Variants in DGKZ observed in about 807,000 individuals in gnomAD.
DGKZ encodes diacylglycerol kinase zeta.
A neutral mutation model predicts 142.5 loss-of-function variants in DGKZ; 45 were observed. The ratio of observed to expected loss-of-function variants is 0.32; its 90% CI spans 0.25 to 0.40. The LOEUF is 0.40. DGKZ is among the 10% of genes least tolerant of loss of function. The pLI, the probability that DGKZ is intolerant of heterozygous loss-of-function variation, is 1.00. For missense variants in DGKZ, 755 were observed against 1,306.5 expected, an observed-to-expected ratio of 0.58 and a Z score of 6.51; for synonymous variants, 442 against 527.0, an observed-to-expected ratio of 0.84 and a Z score of 2.21.
At chr11:46,371,276 G>C in intron 6 of DGKZ, 37 bp from the exon 7 acceptor site, 1 of 1,602,516 alleles carries the variant, frequency 6.2e-7, no homozygotes, top group Non-Finnish European at 8.5e-7. Flanking sequence ...GCTGCTCCAC[G>C]CCTGCCCTGG....
chr11:46,375,074 G>A, intron 19 of DGKZ, 29 bp downstream of exon 19: 1 of 1,549,378 alleles, frequency 6.5e-7, no homozygotes, highest in Non-Finnish European at 8.7e-7. Flanking sequence ...CATGGTGCCT[G>A]GGAGCACAGC....
chr11:46,373,155 C>A, intron 14 of DGKZ, 54 bp downstream of exon 14: 1 of 1,490,184 alleles, frequency 6.7e-7, no homozygotes, highest in South Asian at 1.3e-5. Context: ...GACTGGATCC[C>A]ACTTTTCCAC....
intron 16 of DGKZ, 39 bp from the exon 17 acceptor site, chr11:46,374,565 T>G (rs1272463554): frequency 6.2e-7 from 1 of 1,601,188 alleles, no homozygotes; most frequent in African/African-American, 1.3e-5. Context: ...TGAGGAAAGA[T>G]CTCTGTCAGC....
intron 23 of DGKZ, 51 bp from the exon 24 acceptor site, chr11:46,376,473 C>G (rs777641023): frequency 1.9e-6 from 3 of 1,613,898 alleles, no homozygotes; most frequent in Admixed American, 1.7e-5. Context: ...AGCAGAGGAC[C>G]TGGGCCTGGA....
exon 31 of DGKZ, chr11:46,380,073 T>C: frequency 1.0e-6 from 1 of 999,816 alleles, no homozygotes; most frequent in Non-Finnish European, 1.5e-6. Flanking sequence ...AAGAGCCCCA[T>C]GCCGCCCCCT....
intron 14 of DGKZ, among the ~76,000 whole-genome samples, 184 bp downstream of exon 14, chr11:46,373,285 G>GTTTT (rs961769830): frequency 1.9e-4 from 22 of 115,368 alleles, no homozygotes; most frequent in South Asian, 5.6e-4. Context: ...TTTTTTTTTT[G>GTTTT]TTTTTTTTTT....
Position 46,379,456 on chromosome 11 carries a change from C to G in DGKZ, c.2576C>G (p.Pro859Arg). 1 of 1,605,524 alleles carries G rather than the reference C, an allele frequency of 6.2e-7. No homozygotes were observed. The highest frequency in any genetic ancestry group is 1.1e-5 in the South Asian group (1 of 89,966). ...GACGGGATGGGGTACACAGCCAGCCCCTGCTCCCCCAGCGGGGAGACCTGT... is the reference window on the plus strand; with the variant it reads ...GACGGGATGGGGTACACAGCCAGCCGCTGCTCCCCCAGCGGGGAGACCTGT... Residue 859 changes from proline (P) to arginine (R), a missense_variant and splice_region_variant, in exon 30 of 31, where the codon CCC becomes CGC. Physicochemically the swap from Pro to Arg is moderately radical, Grantham distance 103. Transcript: ENST00000527911.
chr11:46,359,081 A>G (rs976996605), intron 1 of DGKZ, among the ~76,000 whole-genome samples: 3 of 151,722 alleles, frequency 2.0e-5, no homozygotes, highest in Non-Finnish European at 2.9e-5. Context: ...AGGAGGTTGC[A>G]GTGAACTGAG....
chr11:46,366,914 C>T (rs1257705234), intron 1 of DGKZ: 3 of 1,546,106 alleles, frequency 1.9e-6, no homozygotes, highest in African/African-American at 2.7e-5. Context: ...TGTGCGCCCA[C>T]TGTCCCGCAG....
chr11:46,366,746 TC>T, intron 1 of DGKZ: 1 of 1,551,064 alleles, frequency 6.4e-7, no homozygotes, highest in Non-Finnish European at 8.7e-7. Flanking sequence ...CCGAGCCTCC[TC>T]CCACCTGCTC....
chr11:46,340,088 T>C (rs1940203641), intron 1 of DGKZ, among the ~76,000 whole-genome samples: 1 of 152,196 alleles, frequency 6.6e-6, no homozygotes, highest in South Asian at 2.1e-4. Flanking sequence ...AGTTAAGCAA[T>C]GTGTTGAGAT....
intron 6 of DGKZ, 40 bp from the exon 7 acceptor site, chr11:46,371,273 C>T: frequency 1.9e-6 from 3 of 1,596,834 alleles, no homozygotes; most frequent in South Asian, 1.1e-5. Context: ...TCTGCTGCTC[C>T]ACGCCTGCCC....
At position 46,372,025 on chromosome 11, in the gene DGKZ, A is replaced by C; in HGVS notation, c.832-50A>C. 1 of 1,524,534 alleles carries C rather than the reference A, an allele frequency of 6.6e-7. No homozygotes were observed. The highest frequency in any genetic ancestry group is 9.0e-7 in the Non-Finnish European group (1 of 1,116,762). 94.4% of individuals were successfully genotyped at this position (1,524,534 alleles called of 1,614,324 possible). On this transcript the variant is annotated intron_variant, in intron 9 of 30. Coordinates refer to ENST00000527911, the Ensembl canonical transcript of DGKZ. The surrounding 1 kb of genome is among the most constrained non-coding windows in gnomAD (Gnocchi z 5.9). ...CAGGGGGCCTGCTAAGGATGATGGTAGGGTGTCCTGGACGGGAAGGAGCTT... is the reference window on the plus strand; with the variant it reads ...CAGGGGGCCTGCTAAGGATGATGGTCGGGTGTCCTGGACGGGAAGGAGCTT...
intron 22 of DGKZ, 89 bp from the exon 23 acceptor site, chr11:46,376,239 C>T: frequency 1.2e-6 from 2 of 1,603,774 alleles, no homozygotes; most frequent in Non-Finnish European, 1.7e-6. Context: ...CCCTGCGGAG[C>T]CTCCTCTGTG....
chr11:46,379,621 A>G lies in DGKZ; in HGVS notation c.2688+53A>G, dbSNP rs977927249. ...CGAGGGCACCAACCAAACCTTTCCC[A>G]AGGTCCTAGGCGGGAGCTGGGGCTG... is the stretch of plus-strand genomic sequence containing the variant. On this transcript the variant is annotated intron_variant, in intron 30 of 30. Coordinates refer to ENST00000527911, the Ensembl canonical transcript of DGKZ. 6 of 1,497,464 alleles carry G rather than the reference A, an allele frequency of 4.0e-6. No individual in the cohort carries two copies. The African/African-American group carries it at 8.3e-5, about 21-fold the overall frequency. 92.8% of individuals were successfully genotyped at this position (1,497,464 alleles called of 1,614,324 possible). A position where few individuals can be genotyped will look rare whatever the true frequency, so the allele number is the denominator to read the frequency against.
At chr11:46,375,100 G>T (rs1019206686) in intron 19 of DGKZ, 55 bp downstream of exon 19, 4 of 1,479,472 alleles carry the variant, frequency 2.7e-6, no homozygotes, top group South Asian at 2.6e-5. Context: ...GGTGGAAGGG[G>T]TCACCCATAC....
intron 19 of DGKZ, 100 bp from the exon 20 acceptor site, chr11:46,375,332 T>G: frequency 7.4e-6 from 10 of 1,350,458 alleles, no homozygotes; most frequent in African/African-American, 1.4e-5. Context: ...ACTCTCACCT[T>G]TGTTCTCTGG....
At chr11:46,354,834 T>C (rs75212415) in intron 1 of DGKZ, among the ~76,000 whole-genome samples, 4,337 of 152,334 alleles carry the variant, frequency 0.028, 85 homozygotes, top group Non-Finnish European at 0.042. Context: ...TTTCCCTCAA[T>C]ATTGTTTTGG....
At chr11:46,357,703 G>A (rs1296332648) in intron 1 of DGKZ, among the ~76,000 whole-genome samples, 2 of 152,366 alleles carry the variant, frequency 1.3e-5, no homozygotes, top group East Asian at 3.9e-4. Flanking sequence ...TCTGGTGGAG[G>A]AGCAGGCATG....
Sources: allele counts gnomAD v4.1 joint callset (sites outside exome capture counted in the v4.1 genomes callset), GRCh38; gene constraint gnomAD v4.1.1; non-coding constraint Gnocchi (gnomAD v3.1); transcripts MANE v1.5; gene names NCBI Gene and HGNC (gene_info 2026-07-23, HGNC 2026-07-21).